The following GBE1 variants were observed in gnomAD, a reference collection of about 807,000 sequenced individuals.
GBE1 encodes 1,4-alpha-glucan branching enzyme 1.
In GBE1, 70 loss-of-function variants were observed where a neutral mutation model predicts 88.8. That is an observed-to-expected ratio of 0.79 (90% CI 0.65 to 0.96). The LOEUF (loss-of-function observed/expected upper bound fraction) is 0.96, where lower values mean the gene tolerates loss of function less well. Ranked by LOEUF, GBE1 falls within the 40% of genes least tolerant of loss-of-function variation. The probability of loss-of-function intolerance (pLI) is 0.00; values close to 1 mark genes in which losing one functional copy is unlikely to be tolerated. For synonymous variants in GBE1, 284 were observed against 300.1 expected (o/e 0.95, Z 0.56); for missense variants, 872 against 871.0 (o/e 1.00, Z -0.01).
intron 2 of GBE1, among the ~76,000 whole-genome samples, chr3:81,676,188 A>G (rs917878314): frequency 6.6e-6 from 1 of 151,990 alleles, no homozygotes; most frequent in Non-Finnish European, 1.5e-5. Context: ...GTTTTGGGGG[A>G]GTCAAAATTT....
chr3:81,556,883 C>T (rs932270355), intron 12 of GBE1, among the ~76,000 whole-genome samples: 8 of 152,026 alleles, frequency 5.3e-5, no homozygotes, highest in Non-Finnish European at 8.8e-5. Context: ...AATTTTAGGA[C>T]AACTTAAAAT....
At chr3:81,585,959 G>T (rs374407587) in intron 10 of GBE1, 133 bp downstream of exon 10, 59 of 533,304 alleles carry the variant, frequency 1.1e-4, no homozygotes, top group Admixed American at 2.0e-4. Flanking sequence ...CATAAGAATC[G>T]ACAGACTAAT....
chr3:81,569,742 C>T (rs1340839318), intron 12 of GBE1, among the ~76,000 whole-genome samples: 1 of 152,178 alleles, frequency 6.6e-6, no homozygotes, highest in Non-Finnish European at 1.5e-5. Context: ...TTAGTAAACA[C>T]TTAACTGAAA....
chr3:81,505,538 A>G (rs1702641052), intron 14 of GBE1, among the ~76,000 whole-genome samples: 1 of 152,146 alleles, frequency 6.6e-6, no homozygotes, highest in Admixed American at 6.6e-5. Context: ...CTAGCATCTC[A>G]AATAGATCTG....
chr3:81,681,360 C>A (rs1188409179), intron 2 of GBE1, among the ~76,000 whole-genome samples: 1 of 152,184 alleles, frequency 6.6e-6, no homozygotes, highest in Non-Finnish European at 1.5e-5. Flanking sequence ...TCACTATCAA[C>A]TGCAACTTAA....
chr3:81,519,688 A>G (rs894485520), intron 14 of GBE1, among the ~76,000 whole-genome samples: 2 of 151,370 alleles, frequency 1.3e-5, no homozygotes, highest in African/African-American at 2.4e-5. Context: ...ATTCTACTCT[A>G]GAATACAGAA....
At chr3:81,703,396 T>C (rs1308242322) in intron 2 of GBE1, among the ~76,000 whole-genome samples, 2 of 151,944 alleles carry the variant, frequency 1.3e-5, no homozygotes, top group Non-Finnish European at 2.9e-5. Flanking sequence ...TCGAGACACA[T>C]CTAATTTTTG....
Position 81,727,971 on chromosome 3 carries a change from A to G in GBE1, c.144-22358T>C, listed in dbSNP as rs73853474. Among the ~76,000 whole-genome samples, 767 of 152,216 alleles carry G rather than the reference A, an allele frequency of 5.0e-3. 2 individuals are homozygous for G. The highest frequency in any genetic ancestry group is 0.018 in the African/African-American group (736 of 41,568). On this transcript the variant is annotated intron_variant, in intron 1 of 15. Coordinates refer to ENST00000429644, the MANE Select transcript of GBE1 (RefSeq NM_000158.4). ...AAGCTGCTCCTATAATATTATTTAG[A>G]ATCAAATTATATAATTATATAGAAT...
At chr3:81,757,475 C>T (rs2680276) in intron 1 of GBE1, among the ~76,000 whole-genome samples, 22,067 of 152,130 alleles carry the variant, frequency 0.15, 1,677 homozygotes, top group Non-Finnish European at 0.17. Context: ...AAAAGAACAA[C>T]AGCTATGAGG....
At chr3:81,547,377 G>C (rs924662870) in intron 12 of GBE1, among the ~76,000 whole-genome samples, 3 of 151,522 alleles carry the variant, frequency 2.0e-5, no homozygotes, top group African/African-American at 7.2e-5. Flanking sequence ...GGAGTAATCT[G>C]CTTTGCAGTC....
chr3:81,638,682 A>G (rs750204408), intron 7 of GBE1, among the ~76,000 whole-genome samples: 28 of 152,324 alleles, frequency 1.8e-4, no homozygotes, highest in Non-Finnish European at 3.7e-4. Flanking sequence ...GAGTAGACAG[A>G]AAATTAAACA....
chr3:81,603,569 C>T (rs909064175), intron 7 of GBE1, among the ~76,000 whole-genome samples: 3 of 151,954 alleles, frequency 2.0e-5, no homozygotes, highest in African/African-American at 7.2e-5. Context: ...CGCAATCTTG[C>T]CTGCAACCTC....
At chr3:81,561,449 T>C (rs199823551) in intron 12 of GBE1, among the ~76,000 whole-genome samples, 1 of 152,060 alleles carries the variant, frequency 6.6e-6, no homozygotes, top group East Asian at 1.9e-4. Flanking sequence ...AACAGAGGGA[T>C]AGAAACTTTA....
In GBE1 at chr3:81,619,066, G is replaced by A. The variant is rs546073018; in HGVS notation, c.992+23715C>T. Among the ~76,000 whole-genome samples, 52 of 152,178 alleles carry A rather than the reference G, an allele frequency of 3.4e-4. No homozygotes were observed. In the South Asian group the frequency reaches 0.01, roughly 30 times the overall value. On this transcript the variant is annotated intron_variant, in intron 7 of 15. Coordinates refer to ENST00000429644, the MANE Select transcript of GBE1 (RefSeq NM_000158.4). The stretch of plus-strand genomic sequence containing the variant: ...TTTTGTCATCTATTGCAAGGAACAT[G>A]TAATTTTCATTCACTTATTTTTAAA...
At chr3:81,750,434 A>C (rs1706480326) in intron 1 of GBE1, among the ~76,000 whole-genome samples, 2 of 148,268 alleles carry the variant, frequency 1.3e-5, no homozygotes, top group South Asian at 4.2e-4. Flanking sequence ...CTATTCTCCA[A>C]ATAACTGAAA....
chr3:81,580,706 A>G (rs1428402991), intron 11 of GBE1, among the ~76,000 whole-genome samples: 1 of 152,080 alleles, frequency 6.6e-6, no homozygotes, highest in Non-Finnish European at 1.5e-5. Context: ...CTAAGGCTGG[A>G]TGGAACAGGG....
intron 12 of GBE1, among the ~76,000 whole-genome samples, chr3:81,571,233 G>A (rs572454114): frequency 2.0e-5 from 3 of 152,060 alleles, no homozygotes; most frequent in African/African-American, 4.8e-5. Flanking sequence ...ACTTTTCTCC[G>A]TTGAAGAGGG....
chr3:81,603,700 T>A (rs1704063140), intron 7 of GBE1, among the ~76,000 whole-genome samples: 2 of 152,084 alleles, frequency 1.3e-5, no homozygotes, highest in Admixed American at 6.5e-5. Flanking sequence ...TTCACCATGT[T>A]GGCCAGGCTG....
intron 3 of GBE1, among the ~76,000 whole-genome samples, chr3:81,670,172 T>C (rs1397507987): frequency 6.6e-6 from 1 of 152,182 alleles, no homozygotes; most frequent in East Asian, 1.9e-4. Context: ...TTGGAACCCA[T>C]CCTTCAGACA....
Sources: allele counts gnomAD v4.1 joint callset (sites outside exome capture counted in the v4.1 genomes callset), GRCh38; gene constraint gnomAD v4.1.1; transcripts MANE v1.5; gene names NCBI Gene and HGNC (gene_info 2026-07-23, HGNC 2026-07-21).